The following TMC2 variants were observed in gnomAD, a reference collection of about 807,000 sequenced individuals.
TMC2 encodes transmembrane channel-like protein 2.
A neutral mutation model predicts 105.9 loss-of-function variants in TMC2; 102 were observed. The ratio of observed to expected loss-of-function variants is 0.96; its 90% CI spans 0.82 to 1.14. The LOEUF (loss-of-function observed/expected upper bound fraction) is 1.14, where lower values mean the gene tolerates loss of function less well. Among genes scored for constraint, TMC2 ranks in the 50% most tolerant of loss-of-function variants. TMC2 has a pLI of 0.00. For missense variants in TMC2, 1,093 were observed against 1,134.3 expected, an observed-to-expected ratio of 0.96 and a Z score of 0.52; for synonymous variants, 402 against 422.8, an observed-to-expected ratio of 0.95 and a Z score of 0.60.
In TMC2 at chr20:2,594,225, C is replaced by CTTTTTTTTTTT. The variant is rs565664102; in HGVS notation, c.934-590_934-580dup. On this transcript the variant is annotated intron_variant, in intron 8 of 19. Coordinates refer to ENST00000358864, the MANE Select transcript of TMC2 (RefSeq NM_080751.3). ...CCAACTATACTGTTACTAAGGATTC[C>CTTTTTTTTTTT]TTTTTTTTTTTTTTTTTTTTGAGAC... Among the ~76,000 whole-genome samples, 576 of 113,728 alleles carry CTTTTTTTTTTT rather than the reference C, an allele frequency of 5.1e-3. 35 individuals carry two copies. The highest frequency in any genetic ancestry group is 9.1e-3 in the African/African-American group (285 of 31,192). The allele number at this position is 113,728 out of a possible 152,430, so 74.6% of individuals were successfully genotyped here.
At chr20:2,581,397 C>A (rs2086188551) in intron 7 of TMC2, among the ~76,000 whole-genome samples, 1 of 152,142 alleles carries the variant, frequency 6.6e-6, no homozygotes, top group South Asian at 2.1e-4. Context: ...GTTCTGAGTC[C>A]ACTGAGCCCT....
At chr20:2,560,497 G>C (rs528443337) in intron 3 of TMC2, among the ~76,000 whole-genome samples, 1 of 152,006 alleles carries the variant, frequency 6.6e-6, no homozygotes, top group Non-Finnish European at 1.5e-5. Context: ...TTACCTACCC[G>C]ATTGGGCGCT....
At chr20:2,598,423 T>C (rs1398018490) in intron 10 of TMC2, among the ~76,000 whole-genome samples, 4,306 of 151,376 alleles carry the variant, frequency 0.028, 207 homozygotes, top group African/African-American at 0.097. Flanking sequence ...TATTTATTTA[T>C]TTATTTATTG....
At position 2,609,096 on chromosome 20, in the gene TMC2, C is replaced by T. The variant is rs116745650; in HGVS notation, c.1414-1323C>T. On this transcript the variant is annotated intron_variant, in intron 11 of 19. Coordinates refer to ENST00000358864, the MANE Select transcript of TMC2 (RefSeq NM_080751.3). The stretch of plus-strand genomic sequence containing the variant: ...AGTTTTCACATAAATATCTGAGGAC[C>T]GGAAAGTTTAAGACACACAGCTTAT... Among the ~76,000 whole-genome samples, 368 of 152,218 alleles carry T rather than the reference C, an allele frequency of 2.4e-3. 1 individual carries two copies. The highest frequency in any genetic ancestry group is 8.3e-3 in the African/African-American group (344 of 41,524).
In TMC2 at chr20:2,579,798, C is replaced by T. The variant is rs544526289; in HGVS notation, c.728-152C>T. 9 of 558,958 alleles carry T rather than the reference C, an allele frequency of 1.6e-5. No homozygotes were observed. The East Asian group carries it at 2.5e-4, about 15-fold the overall frequency. 34.6% of individuals were successfully genotyped at this position (558,958 alleles called of 1,614,324 possible). Reference sequence around the variant, plus strand: ...AGGCAAGTTAGTTAACCCCAAAGAGCCTCAGGTTATTTATCCAGGAAAAGA... The same window carrying T: ...AGGCAAGTTAGTTAACCCCAAAGAGTCTCAGGTTATTTATCCAGGAAAAGA... On this transcript the variant is annotated intron_variant, in intron 6 of 19. Coordinates refer to ENST00000358864, the MANE Select transcript of TMC2 (RefSeq NM_080751.3).
chr20:2,600,956 C>T (rs1346210054), intron 10 of TMC2, among the ~76,000 whole-genome samples: 1 of 146,704 alleles, frequency 6.8e-6, no homozygotes, highest in Non-Finnish European at 1.5e-5. Flanking sequence ...CACTGCACTC[C>T]AGCCTAGGCG....
At position 2,602,278 on chromosome 20, in the gene TMC2, G is replaced by T; in HGVS notation, c.1390G>T (p.Val464Phe). 1 of 1,604,778 alleles carries T rather than the reference G, an allele frequency of 6.2e-7. No homozygotes were observed. Among genetic ancestry groups the T allele is most frequent in the Non-Finnish European group, 8.5e-7 (1 of 1,176,332 alleles). The change falls in exon 11 of 20, where the codon GTC becomes TTC. Residue 464 changes from valine to phenylalanine, a missense_variant. Coordinates refer to ENST00000358864, the MANE Select transcript of TMC2 (RefSeq NM_080751.3). ...RSQQFSKMQN[V>F]SWYERNEVEI... ...TCAGCAATTCTCCAAAATGCAGAAT[G>T]TCAGCTGGTATGAAAGGAATGAGGT...
chr20:2,550,866 T>C (rs549989838), intron 2 of TMC2, among the ~76,000 whole-genome samples: 1 of 152,362 alleles, frequency 6.6e-6, no homozygotes, highest in South Asian at 2.1e-4. Context: ...TACCGCAGTT[T>C]GTTTATGCAT....
intron 11 of TMC2, 133 bp downstream of exon 11, chr20:2,602,434 C>A: frequency 1.6e-6 from 1 of 639,530 alleles, no homozygotes; most frequent in Non-Finnish European, 2.4e-6. Flanking sequence ...CATCCCCTTC[C>A]AGTCAAATAG....
chr20:2,580,180 G>T, intron 7 of TMC2, 124 bp downstream of exon 7: 1 of 504,758 alleles, frequency 2.0e-6, no homozygotes, highest in Non-Finnish European at 3.5e-6. Flanking sequence ...CTATTAGGCT[G>T]GTGCAAAAGT....
chr20:2,596,100 C>G (rs1212063775), intron 9 of TMC2, among the ~76,000 whole-genome samples: 1 of 152,128 alleles, frequency 6.6e-6, no homozygotes, highest in Admixed American at 6.5e-5. Flanking sequence ...CCCTGTGGAA[C>G]AGCAAATCCA....
chr20:2,578,297 G>A (rs1347439991), intron 5 of TMC2, among the ~76,000 whole-genome samples: 4 of 152,190 alleles, frequency 2.6e-5, no homozygotes, highest in Non-Finnish European at 4.4e-5. Flanking sequence ...TCCAGCCTGG[G>A]CAACAGAGTG....
chr20:2,577,713 G>C (rs2086157049), intron 5 of TMC2, among the ~76,000 whole-genome samples: 2 of 152,072 alleles, frequency 1.3e-5, no homozygotes, highest in Non-Finnish European at 1.5e-5. Flanking sequence ...AGGAGTTTGA[G>C]ACCAGCCTGG....
chr20:2,583,883 C>T (rs1600112793), intron 7 of TMC2, among the ~76,000 whole-genome samples: 1 of 152,132 alleles, frequency 6.6e-6, no homozygotes, highest in African/African-American at 2.4e-5. Flanking sequence ...AAGCCATACC[C>T]AAAATGCTAG....
At chr20:2,596,975 G>A (rs2086312716) in intron 9 of TMC2, among the ~76,000 whole-genome samples, 176 bp from the exon 10 acceptor site, 1 of 152,140 alleles carries the variant, frequency 6.6e-6, no homozygotes, top group Admixed American at 6.5e-5. Context: ...GGGGAAGGGT[G>A]TCCTGGCTAT....
chr20:2,567,368 G>A (rs6114961), intron 4 of TMC2, among the ~76,000 whole-genome samples: 1 of 152,006 alleles, frequency 6.6e-6, no homozygotes, highest in Non-Finnish European at 1.5e-5. Flanking sequence ...GTCAGAGGAG[G>A]CCTGGTAAAA....
intron 17 of TMC2, among the ~76,000 whole-genome samples, chr20:2,631,705 G>GGT (rs148808162): frequency 6.9e-6 from 1 of 145,478 alleles, no homozygotes; most frequent in Non-Finnish European, 1.5e-5. Flanking sequence ...GACTATGGCT[G>GGT]TTTTTTTTTT....
chr20:2,538,569 C>T (rs1449701770), intron 2 of TMC2, among the ~76,000 whole-genome samples: 1 of 152,208 alleles, frequency 6.6e-6, no homozygotes, highest in Non-Finnish European at 1.5e-5. Context: ...CCGCACCCAG[C>T]CTGGCCTCCC....
chr20:2,567,428 T>C, intron 4 of TMC2, among the ~76,000 whole-genome samples: 1 of 152,138 alleles, frequency 6.6e-6, no homozygotes, highest in East Asian at 1.9e-4. Flanking sequence ...AAAGTCCAGG[T>C]TTCAATTAAA....
Sources: gnomAD v4.1 joint callset for allele counts (sites outside exome capture counted in the v4.1 genomes callset) on GRCh38, gnomAD v4.1.1 for gene constraint, MANE v1.5 for transcripts, NCBI Gene and HGNC (gene_info 2026-07-23, HGNC 2026-07-21) for gene names.